The following SDK1 variants were observed in gnomAD, a reference collection of about 807,000 sequenced individuals.
SDK1 encodes protein sidekick-1.
SDK1 carries 157 observed loss-of-function variants against 245.5 expected under a neutral mutation model. The ratio of observed to expected loss-of-function variants is 0.64; its 90% CI spans 0.56 to 0.73. The LOEUF is 0.73. Among genes scored for constraint, SDK1 ranks in the 30% least tolerant of loss-of-function variants. The pLI, the probability that SDK1 is intolerant of heterozygous loss-of-function variation, is 0.00. For missense variants in SDK1, 3,583 were observed against 3,002.3 expected (o/e 1.19, Z -4.52); for synonymous variants, 1,647 against 1,278.5 (o/e 1.29, Z -6.15).
At chr7:3,679,619 G>A (rs983196378) in intron 4 of SDK1, among the ~76,000 whole-genome samples, 9 of 152,164 alleles carry the variant, frequency 5.9e-5, no homozygotes, top group African/African-American at 1.7e-4. Flanking sequence ...CATGGAAGAG[G>A]ATATACAGAT....
At chr7:3,971,660 CTT>C in intron 12 of SDK1, 92 bp downstream of exon 12, 1 of 944,114 alleles carries the variant, frequency 1.1e-6, no homozygotes, top group Non-Finnish European at 1.7e-6. Flanking sequence ...ATTGGGGGAA[CTT>C]TTGATTTCAG....
chr7:3,977,602 A>C (rs986135069), intron 13 of SDK1, among the ~76,000 whole-genome samples: 5 of 152,194 alleles, frequency 3.3e-5, no homozygotes, highest in Admixed American at 6.5e-5. Context: ...TCTCCTGATC[A>C]TGCACCCCTT....
intron 4 of SDK1, among the ~76,000 whole-genome samples, chr7:3,751,820 G>A (rs1166357659): frequency 6.6e-6 from 1 of 152,178 alleles, no homozygotes; most frequent in African/African-American, 2.4e-5. Flanking sequence ...CATTTCCTCT[G>A]AGGACCGCTC....
At chr7:4,228,575 T>G (rs1316858174) in intron 40 of SDK1, among the ~76,000 whole-genome samples, 1 of 152,224 alleles carries the variant, frequency 6.6e-6, no homozygotes, top group East Asian at 1.9e-4. Context: ...AGTCTCACTC[T>G]GTTGCCCAGG....
chr7:3,518,550 C>A (rs533389232), intron 1 of SDK1, among the ~76,000 whole-genome samples: 1 of 151,360 alleles, frequency 6.6e-6, no homozygotes, highest in African/African-American at 2.4e-5. Context: ...CAAAATAATA[C>A]ATATACATGA....
chr7:3,766,406 A>T (rs1780253908), intron 4 of SDK1, among the ~76,000 whole-genome samples: 2 of 152,278 alleles, frequency 1.3e-5, no homozygotes, highest in African/African-American at 4.8e-5. Flanking sequence ...GAGGTCTCTG[A>T]AGTTAGACTA....
intron 1 of SDK1, among the ~76,000 whole-genome samples, chr7:3,542,197 TTA>T (rs947270083): frequency 3.3e-5 from 5 of 152,228 alleles, no homozygotes; most frequent in African/African-American, 1.2e-4. Flanking sequence ...AGATTTCTTA[TTA>T]TGTTATGGCC....
intron 1 of SDK1, among the ~76,000 whole-genome samples, chr7:3,512,272 GT>G (rs2128611848): frequency 6.6e-6 from 1 of 152,108 alleles, no homozygotes; most frequent in Admixed American, 6.5e-5. Context: ...TCCTCCCTGT[GT>G]TTTCATAGCT....
intron 4 of SDK1, among the ~76,000 whole-genome samples, chr7:3,676,767 A>T (rs778164425): frequency 6.6e-6 from 1 of 152,228 alleles, no homozygotes; most frequent in Non-Finnish European, 1.5e-5. Context: ...ACATTTATTG[A>T]ATAGGGAATC....
intron 2 of SDK1, among the ~76,000 whole-genome samples, chr7:3,619,529 T>G (rs1191081677): frequency 6.6e-6 from 1 of 152,238 alleles, no homozygotes. Context: ...ACAGCTTTGG[T>G]ATGATACATT....
chr7:3,450,864 A>G (rs576073267), intron 1 of SDK1, among the ~76,000 whole-genome samples: 3 of 152,332 alleles, frequency 2.0e-5, no homozygotes, highest in Admixed American at 6.5e-5. Flanking sequence ...GATCACAAGA[A>G]GACACTGAGA....
At chr7:3,774,814 GTAT>G (rs1432165446) in intron 4 of SDK1, among the ~76,000 whole-genome samples, 2 of 152,156 alleles carry the variant, frequency 1.3e-5, no homozygotes, top group African/African-American at 4.8e-5. Flanking sequence ...TAAATTTTTG[GTAT>G]TATTATCCAG....
chr7:3,444,942 C>T (rs1562490300), intron 1 of SDK1, among the ~76,000 whole-genome samples: 1 of 152,140 alleles, frequency 6.6e-6, no homozygotes, highest in Non-Finnish European at 1.5e-5. Flanking sequence ...TTCCTACTTA[C>T]AAACTACTTT....
intron 4 of SDK1, among the ~76,000 whole-genome samples, chr7:3,669,652 C>T (rs1055437165): frequency 6.6e-6 from 1 of 152,180 alleles, no homozygotes; most frequent in Non-Finnish European, 1.5e-5. Context: ...TTCACTACCT[C>T]CCACCTTATT....
chr7:4,168,534 C>G (rs1225157394), intron 32 of SDK1, among the ~76,000 whole-genome samples: 1 of 152,240 alleles, frequency 6.6e-6, no homozygotes, highest in Non-Finnish European at 1.5e-5. Context: ...TTCCCAACCT[C>G]CTAACTTCCT....
intron 5 of SDK1, among the ~76,000 whole-genome samples, chr7:3,882,795 C>G (rs1363859534): frequency 6.6e-6 from 1 of 152,086 alleles, no homozygotes; most frequent in Non-Finnish European, 1.5e-5. Context: ...ATTCTCTTCA[C>G]CAGTTAAAAT....
chr7:3,634,901 T>G (rs1782406854), intron 2 of SDK1, among the ~76,000 whole-genome samples: 1 of 152,254 alleles, frequency 6.6e-6, no homozygotes, highest in Admixed American at 6.5e-5. Flanking sequence ...CATAAGAATT[T>G]AAGACCTATT....
chr7:4,114,297 C>T (rs780811466), intron 25 of SDK1, 23 bp downstream of exon 25: 1 of 1,546,430 alleles, frequency 6.5e-7, no homozygotes, highest in South Asian at 1.2e-5. Context: ...CGATTCCCAT[C>T]CTGGAGACAC....
intron 1 of SDK1, among the ~76,000 whole-genome samples, chr7:3,562,043 C>T (rs1779766399): frequency 6.6e-6 from 1 of 152,096 alleles, no homozygotes; most frequent in African/African-American, 2.4e-5. Flanking sequence ...TTTCAACAAC[C>T]CACAGCTGTG....
Sources: gnomAD v4.1 joint callset for allele counts (sites outside exome capture counted in the v4.1 genomes callset) on GRCh38, gnomAD v4.1.1 for gene constraint, MANE v1.5 for transcripts, NCBI Gene and HGNC (gene_info 2026-07-23, HGNC 2026-07-21) for gene names.